The following SUGCT variants were observed in gnomAD, a reference collection of about 807,000 sequenced individuals.
SUGCT encodes the protein succinyl-CoA:glutarate-CoA transferase, also known as succinyl-CoA:glutarate CoA-transferase.
In SUGCT, 41 loss-of-function variants were observed where a neutral mutation model predicts 55.0. That is an observed-to-expected ratio of 0.74 (90% CI 0.58 to 0.97). SUGCT has a LOEUF of 0.97. Ranked by LOEUF, SUGCT falls within the 50% of genes least tolerant of loss-of-function variation. The pLI is 0.00. For missense variants in SUGCT, 568 were observed against 547.8 expected, an observed-to-expected ratio of 1.04 and a Z score of -0.37; for synonymous variants, 187 against 200.4, an observed-to-expected ratio of 0.93 and a Z score of 0.56.
At chr7:40,790,212 A>G (rs1038966191) in intron 13 of SUGCT, among the ~76,000 whole-genome samples, 1 of 152,144 alleles carries the variant, frequency 6.6e-6, no homozygotes, top group Admixed American at 6.5e-5. Context: ...ACCCCCAGCT[A>G]CTGTTCTCAT....
rs151282772 is a variant in SUGCT, at chr7:40,471,927, C to T, written c.986+12729C>T. On this transcript the variant is annotated intron_variant, in intron 11 of 13. Transcript: ENST00000335693. ...TGAAATACTTCACAAAAACTGAAAA[C>T]GTAAGGTCAAATTCATGTATGAAAA... is the stretch of plus-strand genomic sequence containing the variant. Among the ~76,000 whole-genome samples, 564 of 151,994 alleles carry T rather than the reference C, an allele frequency of 3.7e-3. 1 individual carries two copies. Among genetic ancestry groups the T allele is most frequent in the Middle Eastern group, 0.01 (3 of 294 alleles).
chr7:40,153,755 C>G, intron 1 of SUGCT: 1 of 433,092 alleles, frequency 2.3e-6, no homozygotes, highest in South Asian at 1.9e-5. Context: ...TCTTTATTGA[C>G]CAAGAGCCAA....
At chr7:40,135,756 A>C (rs1195070523) in intron 1 of SUGCT, among the ~76,000 whole-genome samples, 9 of 151,256 alleles carry the variant, frequency 6.0e-5, no homozygotes, top group African/African-American at 2.2e-4. Flanking sequence ...TCCCGTGTTC[A>C]GGAGATTTTC....
intron 1 of SUGCT, among the ~76,000 whole-genome samples, chr7:40,175,339 C>T (rs886372243): frequency 7.9e-5 from 12 of 151,966 alleles, no homozygotes; most frequent in African/African-American, 2.7e-4. Flanking sequence ...CCTGCCTCAG[C>T]CCCCCTAGTA....
chr7:40,209,586 C>G (rs1787212033), intron 6 of SUGCT, among the ~76,000 whole-genome samples: 1 of 152,194 alleles, frequency 6.6e-6, no homozygotes, highest in Non-Finnish European at 1.5e-5. Context: ...CACCTGAGGT[C>G]CGGAGTTCGA....
At chr7:40,637,323 T>C (rs1463658502) in intron 12 of SUGCT, among the ~76,000 whole-genome samples, 1 of 152,194 alleles carries the variant, frequency 6.6e-6, no homozygotes, top group Non-Finnish European at 1.5e-5. Flanking sequence ...ACCTAGTGAA[T>C]AGAAGGTCCT....
At chr7:40,296,859 G>T (rs1441861282) in intron 8 of SUGCT, among the ~76,000 whole-genome samples, 2 of 152,130 alleles carry the variant, frequency 1.3e-5, no homozygotes, top group East Asian at 3.9e-4. Context: ...TAGAGTAGTG[G>T]TTAGGAGCAT....
chr7:40,618,759 A>C (rs945019433), intron 12 of SUGCT, among the ~76,000 whole-genome samples: 5 of 152,178 alleles, frequency 3.3e-5, no homozygotes, highest in African/African-American at 1.2e-4. Context: ...ACTGTTTTGC[A>C]AGTGAAGAAA....
chr7:40,688,117 A>T (rs4050983), intron 12 of SUGCT, among the ~76,000 whole-genome samples: 1 of 152,056 alleles, frequency 6.6e-6, no homozygotes, highest in Admixed American at 6.6e-5. Context: ...TCTTAATGCA[A>T]TGGTCAGTAA....
At chr7:40,645,870 A>AG (rs1214956367) in intron 12 of SUGCT, among the ~76,000 whole-genome samples, 7 of 152,304 alleles carry the variant, frequency 4.6e-5, no homozygotes, top group African/African-American at 1.7e-4. Context: ...AGGCAGTTCC[A>AG]ATTACAACTT....
At chr7:40,967,201 GCCT>G in the SUGCT span, 19 of 152,106 alleles carry the variant, frequency 1.2e-4, no homozygotes, top group Admixed American at 7.2e-4. Context: ...CTATCCAGTA[GCCT>G]CCTCTTCTGC....
intron 9 of SUGCT, among the ~76,000 whole-genome samples, chr7:40,329,568 T>C (rs1035512764): frequency 6.6e-6 from 1 of 152,170 alleles, no homozygotes; most frequent in African/African-American, 2.4e-5. Context: ...TGAAAGCAGG[T>C]GCGAAATGCT....
intron 13 of SUGCT, among the ~76,000 whole-genome samples, chr7:40,763,613 C>T (rs1355851788): frequency 6.6e-6 from 1 of 152,132 alleles, no homozygotes; most frequent in Non-Finnish European, 1.5e-5. Flanking sequence ...ATGGCTTCAG[C>T]AAGCAGCTTG....
chr7:40,449,235 G>GAAATTAAATTTAGAAATTATA, intron 9 of SUGCT, 52 bp from the exon 10 acceptor site: 1 of 1,233,546 alleles, frequency 8.1e-7, no homozygotes. Context: ...TTAAACTTTT[G>GAAATTAAATTTAGAAATTATA]TGGTCTTGTC....
At chr7:40,984,512 T>G in the SUGCT span, among the ~76,000 whole-genome samples, 3 of 152,132 alleles carry the variant, frequency 2.0e-5, no homozygotes, top group Non-Finnish European at 4.4e-5. Context: ...GCTGCCAGTT[T>G]ATGGAGTATC....
intron 7 of SUGCT, among the ~76,000 whole-genome samples, chr7:40,257,868 C>G (rs968888709): frequency 6.6e-6 from 1 of 151,782 alleles, no homozygotes; most frequent in East Asian, 1.9e-4. Context: ...GGCAAGACTA[C>G]GTCTCAGAAA....
At position 40,170,357 on chromosome 7, in the gene SUGCT, A is replaced by G. The variant is rs192835013; in HGVS notation, c.101-10590A>G. Among the ~76,000 whole-genome samples the G allele has an allele frequency of 3.4e-3, 519 of 152,282 alleles. 2 individuals are homozygous for G. The highest frequency in any genetic ancestry group is 0.012 in the African/African-American group (481 of 41,560). The stretch of plus-strand genomic sequence containing the variant: ...GTCCTAACCCTTATAAAACATCAAT[A>G]TAGCCATCAGGGTTATCTGAGAATT... On this transcript the variant is annotated intron_variant, in intron 1 of 13. Coordinates refer to ENST00000335693, the MANE Select transcript of SUGCT (RefSeq NM_001193313.2).
chr7:40,595,066 T>G (rs547121424), intron 12 of SUGCT, among the ~76,000 whole-genome samples: 1 of 152,318 alleles, frequency 6.6e-6, no homozygotes, highest in Admixed American at 6.5e-5. Flanking sequence ...AATAATTCTC[T>G]GTATATTTAA....
At chr7:40,391,679 G>A (rs1372613471) in intron 9 of SUGCT, among the ~76,000 whole-genome samples, 1 of 152,176 alleles carries the variant, frequency 6.6e-6, no homozygotes, top group Admixed American at 6.5e-5. Flanking sequence ...CTTTTACACT[G>A]TTGGTGGGAC....
Sources: allele counts gnomAD v4.1 joint callset (sites outside exome capture counted in the v4.1 genomes callset), GRCh38; gene constraint gnomAD v4.1.1; transcripts MANE v1.5; gene names NCBI Gene and HGNC (gene_info 2026-07-23, HGNC 2026-07-21).